SF1: variants seen among roughly 807,000 people sequenced by gnomAD.
SF1 encodes splicing factor 1, also known as branch point-binding protein.
A neutral mutation model predicts 62.5 loss-of-function variants in SF1; 7 were observed. That is an observed-to-expected ratio of 0.11 (90% CI 0.06 to 0.21). SF1 has a LOEUF of 0.21. Ranked by LOEUF, SF1 falls within the 10% of genes least tolerant of loss-of-function variation. SF1 has a pLI of 1.00. For synonymous variants in SF1, 394 were observed against 323.6 expected, an observed-to-expected ratio of 1.22 and a Z score of -2.33; for missense variants, 578 against 884.0, an observed-to-expected ratio of 0.65 and a Z score of 4.39.
Position 64,765,785 on chromosome 11 carries a change from T to C in SF1, c.*33A>G, listed in dbSNP as rs2058607693. The C allele has an allele frequency of 1.3e-6, 2 of 1,508,874 alleles. No homozygotes were observed. Among genetic ancestry groups the C allele is most frequent in the Non-Finnish European group, 1.8e-6 (2 of 1,131,294 alleles). 93.5% of individuals were successfully genotyped at this position (1,508,874 alleles called of 1,614,324 possible). A position where few individuals can be genotyped will look rare whatever the true frequency, so the allele number is the denominator to read the frequency against. ...GTGTTTAAACGAGACCAATTCTCTC[T>C]ATATATAATATATATTTTCTTAAAA... is the stretch of plus-strand genomic sequence containing the variant. On this transcript the variant is annotated 3_prime_UTR_variant, in exon 13 of 13. Coordinates refer to ENST00000377390, the MANE Select transcript of SF1 (RefSeq NM_004630.4).
At chr11:64,766,418 C>A in intron 12 of SF1, 3 of 535,950 alleles carry the variant, frequency 5.6e-6, no homozygotes, top group Non-Finnish European at 6.6e-6. Flanking sequence ...AGGTACCAGA[C>A]ACAAGAACAG....
chr11:64,778,518 C>T lies in SF1; in HGVS notation c.-126G>A. ...GCGCGGAGCCCGTCCTCTCACGCGG[C>T]GGGCGGCGGCGGCGCGAGACGCACA... On this transcript the variant is annotated 5_prime_UTR_variant, in exon 1 of 13. Transcript: ENST00000377390. The T allele has an allele frequency of 6.3e-6, 7 of 1,116,908 alleles. No homozygotes were observed. Among genetic ancestry groups the T allele is most frequent in the Non-Finnish European group, 7.6e-6 (7 of 917,320 alleles). The allele number at this position is 1,116,908 out of a possible 1,614,324, so 69.2% of individuals were successfully genotyped here.
intron 2 of SF1, among the ~76,000 whole-genome samples, chr11:64,773,801 G>C (rs184027582): frequency 6.6e-6 from 1 of 152,110 alleles, no homozygotes; most frequent in Non-Finnish European, 1.5e-5. Context: ...ATTATTAGGA[G>C]GTGTTTCACC....
chr11:64,769,953 C>G lies in SF1; in HGVS notation c.479+11G>C. ...AGGAATTCTATATCCTATAGACCAG[C>G]AGTTACTCACCTGGGCCCGATGAGC... On this transcript the variant is annotated intron_variant, in intron 5 of 12. Coordinates refer to ENST00000377390, the MANE Select transcript of SF1 (RefSeq NM_004630.4). 1 of 1,596,548 alleles carries G rather than the reference C, an allele frequency of 6.3e-7. No individual in the cohort carries two copies. Among genetic ancestry groups the G allele is most frequent in the Non-Finnish European group, 8.6e-7 (1 of 1,164,140 alleles).
intron 4 of SF1, 27 bp from the exon 5 acceptor site, chr11:64,770,080 C>T: frequency 6.3e-7 from 1 of 1,596,368 alleles, no homozygotes. Context: ...TGTGTCACCG[C>T]ACATTTCTGG....
chr11:64,769,691 G>C (rs914024694), intron 5 of SF1, 82 bp from the exon 6 acceptor site: 1 of 1,281,960 alleles, frequency 7.8e-7, no homozygotes, highest in African/African-American at 1.5e-5. Context: ...TTTGGCATTG[G>C]TGGGAAACCA....
chr11:64,769,171 A>AC, intron 7 of SF1, 42 bp from the exon 8 acceptor site: 2 of 1,607,776 alleles, frequency 1.2e-6, no homozygotes, highest in Non-Finnish European at 8.5e-7. Flanking sequence ...AACAATCTCT[A>AC]CTTCCATAGG....
In SF1 at chr11:64,766,605, C is replaced by T. The variant is rs568909004; in HGVS notation, c.1582+295G>A. 1.3e-3 allele frequency: 534 copies of T among 417,064 alleles called. 1 individual carries two copies. The highest frequency in any genetic ancestry group is 9.9e-3 in the African/African-American group (483 of 48,728). 25.8% of individuals were successfully genotyped at this position (417,064 alleles called of 1,614,324 possible). A position where few individuals can be genotyped will look rare whatever the true frequency, so the allele number is the denominator to read the frequency against. On this transcript the variant is annotated intron_variant, in intron 12 of 12. Transcript: ENST00000377390. ...CGACCCATATGCACCAGGCTCAGTC[C>T]AGCCAGCCGCTCACTCAGCCTGCGA...
chr11:64,769,327 G>A lies in SF1; in HGVS notation c.675C>T (p.Ile225=), dbSNP rs551156250. 11 of 1,614,138 alleles carry A rather than the reference G, an allele frequency of 6.8e-6. No individual in the cohort carries two copies. In the African/African-American group the frequency reaches 1.2e-4, roughly 18 times the overall value. ...CTGGAGTCTCGATACCCTGCTTCAGGATGTTTCTTATCTAGTGAAAATGCA... is the reference window on the plus strand; with the variant it reads ...CTGGAGTCTCGATACCCTGCTTCAGAATGTTTCTTATCTAGTGAAAATGCA... ...VKKAVEQIRN[I]LKQGIETPED... is the part of the protein sequence containing the mutation. The change falls in exon 7 of 13, where the codon ATC becomes ATT. Residue 225 remains isoleucine, a synonymous_variant. Coordinates refer to ENST00000377390, the MANE Select transcript of SF1 (RefSeq NM_004630.4).
In SF1 at chr11:64,777,798, C is replaced by G. The variant is rs999204017; in HGVS notation, c.31+564G>C. ...GCCTCCCGCCCGCCCAGCCCTCCCC[C>G]CACAGCGCGCGTGCGCACTCGAGGC... On this transcript the variant is annotated intron_variant, in intron 1 of 12. Coordinates refer to ENST00000377390, the MANE Select transcript of SF1 (RefSeq NM_004630.4). 5 of 982,360 alleles carry G rather than the reference C, an allele frequency of 5.1e-6. No individual in the cohort carries two copies. In the Admixed American group the frequency reaches 2.5e-4, roughly 48 times the overall value. The allele number at this position is 982,360 out of a possible 1,614,324, so 60.9% of individuals were successfully genotyped here. A position where few individuals can be genotyped will look rare whatever the true frequency, so the allele number is the denominator to read the frequency against.
At chr11:64,771,446 T>G (rs1025613497) in intron 3 of SF1, 12 of 984,982 alleles carry the variant, frequency 1.2e-5, no homozygotes, top group Middle Eastern at 5.2e-4. Flanking sequence ...ATACTGAAAG[T>G]AATCAAGACT....
intron 1 of SF1, 158 bp downstream of exon 1, chr11:64,778,204 G>A (rs1397367581): frequency 1.1e-5 from 12 of 1,104,686 alleles, no homozygotes; most frequent in Non-Finnish European, 1.2e-5. Context: ...CCGCGAAGGG[G>A]AAGGCCGCGG....
intron 5 of SF1, 30 bp from the exon 6 acceptor site, chr11:64,769,639 C>G: frequency 6.3e-7 from 1 of 1,589,348 alleles, no homozygotes; most frequent in African/African-American, 1.3e-5. Context: ...TAAGTTTATA[C>G]CTGACAAATT....
intron 2 of SF1, 78 bp from the exon 3 acceptor site, chr11:64,773,583 C>T (rs1938652592): frequency 6.7e-7 from 1 of 1,493,166 alleles, no homozygotes; most frequent in Middle Eastern, 1.7e-4. Flanking sequence ...CAAATCTCAA[C>T]AACAAGCATG....
chr11:64,773,210 C>T lies in SF1; in HGVS notation c.236+220G>A, dbSNP rs1040011161. 7 of 1,355,922 alleles carry T rather than the reference C, an allele frequency of 5.2e-6. No homozygotes were observed. In the African/African-American group the frequency reaches 9.1e-5, roughly 18 times the overall value. 84.0% of individuals were successfully genotyped at this position (1,355,922 alleles called of 1,614,324 possible). A position where few individuals can be genotyped will look rare whatever the true frequency, so the allele number is the denominator to read the frequency against. Reference sequence around the variant, plus strand: ...AATTGGAAACCAGTTGTCCATTTTCCTGTAACTTTTTATTCTCCCAACATT... The same window carrying T: ...AATTGGAAACCAGTTGTCCATTTTCTTGTAACTTTTTATTCTCCCAACATT... On this transcript the variant is annotated intron_variant, in intron 3 of 12. Transcript: ENST00000377390.
chr11:64,775,701 C>G (rs1209100509), intron 2 of SF1, among the ~76,000 whole-genome samples: 1 of 152,186 alleles, frequency 6.6e-6, no homozygotes, highest in African/African-American at 2.4e-5. Context: ...TTTTTTGAGA[C>G]AGCTGCACAG....
chr11:64,766,761 G>A (rs1229061804), intron 12 of SF1, 139 bp downstream of exon 12: 4 of 578,952 alleles, frequency 6.9e-6, no homozygotes, highest in African/African-American at 3.9e-5. Context: ...CCTGGACCAG[G>A]AGGCCCTTTC....
intron 1 of SF1, 88 bp downstream of exon 1, chr11:64,778,274 G>A (rs1382521529): frequency 8.2e-7 from 1 of 1,215,348 alleles, no homozygotes; most frequent in Non-Finnish European, 1.0e-6. Context: ...CAGCAGCCCC[G>A]CCCCAGGCCC....
intron 2 of SF1, 31 bp downstream of exon 2, chr11:64,776,467 A>C (rs765660393): frequency 1.9e-6 from 3 of 1,567,290 alleles, no homozygotes; most frequent in Non-Finnish European, 2.6e-6. Flanking sequence ...AACAATCTCA[A>C]AGTGCATTTG....
Sources: allele counts gnomAD v4.1 joint callset (sites outside exome capture counted in the v4.1 genomes callset), GRCh38; gene constraint gnomAD v4.1.1; transcripts MANE v1.5; gene names NCBI Gene and HGNC (gene_info 2026-07-23, HGNC 2026-07-21).